KCTD8: variants seen among roughly 807,000 people sequenced by gnomAD.
KCTD8 encodes BTB/POZ domain-containing protein KCTD8.
In KCTD8, 27 loss-of-function variants were observed where a neutral mutation model predicts 31.5. The ratio of observed to expected loss-of-function variants is 0.86; its 90% CI spans 0.63 to 1.18. KCTD8 has a LOEUF of 1.18. KCTD8 is among the 50% of genes most tolerant of loss of function. KCTD8 has a pLI of 0.00. For missense variants in KCTD8, 658 were observed against 647.7 expected (o/e 1.02, Z -0.17); for synonymous variants, 290 against 280.0 (o/e 1.04, Z -0.36).
chr4:44,268,682 C>T (rs1036709642), intron 1 of KCTD8, among the ~76,000 whole-genome samples: 3 of 152,200 alleles, frequency 2.0e-5, no homozygotes, highest in South Asian at 2.1e-4. Context: ...AGCTGATAAG[C>T]AACTTCAGCA....
chr4:44,294,400 G>C (rs991956824), intron 1 of KCTD8, among the ~76,000 whole-genome samples: 1 of 152,136 alleles, frequency 6.6e-6, no homozygotes, highest in African/African-American at 2.4e-5. Flanking sequence ...ATTGAAACCA[G>C]ATTTTCTCAT....
chr4:44,252,575 C>T (rs750196891), intron 1 of KCTD8, among the ~76,000 whole-genome samples: 4 of 151,532 alleles, frequency 2.6e-5, no homozygotes, highest in Admixed American at 6.6e-5. Flanking sequence ...AAAATGGTAT[C>T]GCATCAAAAG....
At chr4:44,407,560 A>AT (rs1310389771) in intron 1 of KCTD8, among the ~76,000 whole-genome samples, 4 of 151,622 alleles carry the variant, frequency 2.6e-5, no homozygotes, top group African/African-American at 9.7e-5. Flanking sequence ...CTAATTTTGT[A>AT]TTTTTAGTAG....
intron 1 of KCTD8, among the ~76,000 whole-genome samples, chr4:44,208,233 C>A (rs150165630): frequency 6.6e-6 from 1 of 152,134 alleles, no homozygotes; most frequent in African/African-American, 2.4e-5. Flanking sequence ...ATGTGTTTAA[C>A]GAAAGGCACC....
At chr4:44,416,906 T>A (rs919360599) in intron 1 of KCTD8, among the ~76,000 whole-genome samples, 2 of 152,226 alleles carry the variant, frequency 1.3e-5, no homozygotes, top group African/African-American at 4.8e-5. Flanking sequence ...TTCAGGGGAA[T>A]CACTGTAACA....
At chr4:44,439,335 T>G (rs1384870220) in intron 1 of KCTD8, among the ~76,000 whole-genome samples, 2 of 152,178 alleles carry the variant, frequency 1.3e-5, no homozygotes, top group Non-Finnish European at 2.9e-5. Context: ...TTCTTCCATT[T>G]TATTTGCTTT....
At chr4:44,209,533 C>CCA (rs1200955670) in intron 1 of KCTD8, among the ~76,000 whole-genome samples, 115 of 151,224 alleles carry the variant, frequency 7.6e-4, no homozygotes, top group African/African-American at 2.6e-3. Context: ...CACACACACC[C>CCA]CACACACACC....
At chr4:44,264,384 T>C (rs1473580729) in intron 1 of KCTD8, among the ~76,000 whole-genome samples, 1 of 152,216 alleles carries the variant, frequency 6.6e-6, no homozygotes, top group East Asian at 1.9e-4. Context: ...TATTTTCTTA[T>C]TTGTTTCACA....
chr4:44,317,018 C>A (rs943323501), intron 1 of KCTD8, among the ~76,000 whole-genome samples: 5 of 149,080 alleles, frequency 3.4e-5, no homozygotes, highest in South Asian at 4.2e-4. Context: ...AAAAAAAAAA[C>A]AAACAGGAAA....
chr4:44,291,288 C>G (rs1055675804), intron 1 of KCTD8, among the ~76,000 whole-genome samples: 1 of 151,886 alleles, frequency 6.6e-6, no homozygotes, highest in Admixed American at 6.6e-5. Flanking sequence ...ACAGACCAAA[C>G]AAATAGACCA....
chr4:44,248,045 G>T (rs936422059), intron 1 of KCTD8, among the ~76,000 whole-genome samples: 5 of 151,802 alleles, frequency 3.3e-5, no homozygotes, highest in African/African-American at 1.2e-4. Flanking sequence ...TTGTTTTCCT[G>T]CCTCTGGTCT....
chr4:44,218,723 C>T (rs1714723037), intron 1 of KCTD8, among the ~76,000 whole-genome samples: 1 of 151,936 alleles, frequency 6.6e-6, no homozygotes, highest in African/African-American at 2.4e-5. Context: ...AACTCTCCTT[C>T]CTAAAGCCCT....
chr4:44,208,039 T>C (rs780375917), intron 1 of KCTD8, among the ~76,000 whole-genome samples: 10 of 152,274 alleles, frequency 6.6e-5, no homozygotes, highest in Admixed American at 2.6e-4. Flanking sequence ...AGAGAAGTGC[T>C]GAAGAAATTC....
intron 1 of KCTD8, among the ~76,000 whole-genome samples, chr4:44,212,498 G>C (rs1294084012): frequency 1.3e-5 from 2 of 152,056 alleles, no homozygotes; most frequent in African/African-American, 2.4e-5. Context: ...TTGGTCCACT[G>C]TATATGTGCA....
At position 44,373,359 on chromosome 4, in the gene KCTD8, C is replaced by CA. The variant is rs1048818211; in HGVS notation, c.961+74203dup. 3.5e-3 allele frequency among the ~76,000 whole-genome samples: 474 copies of CA among 135,324 alleles called. 2 individuals carry two copies. The highest frequency in any genetic ancestry group is 9.0e-3 in the African/African-American group (332 of 36,790). The allele number at this position is 135,324 out of a possible 152,430, so 88.8% of individuals were successfully genotyped here. A position where few individuals can be genotyped will look rare whatever the true frequency, so the allele number is the denominator to read the frequency against. ...CTGGTGACAGAGCGAGACTCTGTCT[C>CA]AAAAAAAAAAAGGCCAATAGAGTAC... On this transcript the variant is annotated intron_variant, in intron 1 of 1. Coordinates refer to ENST00000360029, the MANE Select transcript of KCTD8 (RefSeq NM_198353.3).
intron 1 of KCTD8, among the ~76,000 whole-genome samples, chr4:44,259,837 G>A (rs1716109562): frequency 6.6e-6 from 1 of 151,646 alleles, no homozygotes. Context: ...TGTTATTTGA[G>A]GTATATTGGG....
At chr4:44,177,841 T>C (rs1159539634) in intron 1 of KCTD8, among the ~76,000 whole-genome samples, 1 of 152,200 alleles carries the variant, frequency 6.6e-6, no homozygotes, top group Non-Finnish European at 1.5e-5. Context: ...GTGTACTTCC[T>C]ACACTGGTGT....
At chr4:44,428,346 A>G (rs1189542459) in intron 1 of KCTD8, among the ~76,000 whole-genome samples, 2 of 151,704 alleles carry the variant, frequency 1.3e-5, no homozygotes, top group Non-Finnish European at 2.9e-5. Context: ...ATAGAAAACA[A>G]TTTCATTTTG....
At chr4:44,401,011 C>CTTTTTTTTT (rs59602420) in intron 1 of KCTD8, among the ~76,000 whole-genome samples, 13 of 95,914 alleles carry the variant, frequency 1.4e-4, no homozygotes, top group East Asian at 7.2e-4. Flanking sequence ...AATTTTCTTT[C>CTTTTTTTTT]TTTTTTTTTT....
Sources: gnomAD v4.1 joint callset for allele counts (sites outside exome capture counted in the v4.1 genomes callset) on GRCh38, gnomAD v4.1.1 for gene constraint, MANE v1.5 for transcripts, NCBI Gene and HGNC (gene_info 2026-07-23, HGNC 2026-07-21) for gene names.